The following POLN variants were observed in gnomAD, a reference collection of about 807,000 sequenced individuals.
The protein encoded by POLN is DNA polymerase N.
A neutral mutation model predicts 113.5 loss-of-function variants in POLN; 108 were observed. That is an observed-to-expected ratio of 0.95 (90% CI 0.81 to 1.12). The LOEUF (loss-of-function observed/expected upper bound fraction) is 1.12. Ranked by LOEUF, POLN falls within the 50% of genes most tolerant of loss-of-function variation. The pLI, the probability that POLN is intolerant of heterozygous loss-of-function variation, is 0.00. For missense variants in POLN, 1,097 were observed against 1,077.1 expected (o/e 1.02, Z -0.26); for synonymous variants, 386 against 391.5 (o/e 0.99, Z 0.17).
chr4:2,167,049 T>C (rs1376472747), intron 13 of POLN, among the ~76,000 whole-genome samples: 2 of 152,182 alleles, frequency 1.3e-5, no homozygotes, highest in Non-Finnish European at 2.9e-5. Context: ...TTTTCCCCAC[T>C]AAACCATCAA....
chr4:2,143,800 A>C (rs1024529112), intron 16 of POLN, among the ~76,000 whole-genome samples: 3 of 152,330 alleles, frequency 2.0e-5, no homozygotes, highest in Non-Finnish European at 4.4e-5. Context: ...GAATTCAGTA[A>C]TATATTTAAA....
intron 16 of POLN, among the ~76,000 whole-genome samples, chr4:2,134,687 T>C (rs1731808012): frequency 1.3e-5 from 2 of 152,192 alleles, no homozygotes; most frequent in African/African-American, 4.8e-5. Flanking sequence ...GGAAACCTCC[T>C]CTAGCTCCCT....
At chr4:2,138,672 T>G (rs1472542435) in intron 16 of POLN, among the ~76,000 whole-genome samples, 1 of 151,992 alleles carries the variant, frequency 6.6e-6, no homozygotes, top group Non-Finnish European at 1.5e-5. Context: ...GAGGTTGAGG[T>G]GGGCGGATCA....
intron 16 of POLN, among the ~76,000 whole-genome samples, chr4:2,135,192 G>T (rs1731823561): frequency 6.6e-6 from 1 of 152,218 alleles, no homozygotes. Context: ...TCTGAGGGAA[G>T]AAGAGAGTAC....
In POLN at chr4:2,208,263, AT is replaced by A. The variant is rs1478588380; in HGVS notation, c.437del (p.Asn146MetfsTer40). The A allele has an allele frequency of 6.3e-7, 1 of 1,586,696 alleles. No homozygotes were observed. Among genetic ancestry groups the A allele is most frequent in the East Asian group, 2.2e-5 (1 of 44,716 alleles). On this transcript the variant is annotated frameshift_variant, in exon 5 of 26. Transcript: ENST00000511885. LOFTEE classifies it high-confidence loss of function. ...TAAGATTAATGCTTCCTTTATTTTC[AT>A]TATTTATATTCTCCATTAGGAAATG... is the stretch of plus-strand genomic sequence containing the variant. ...RKHFLMENIN[N>X]ENKGSINLKR... is the part of the protein sequence containing the mutation.
intron 13 of POLN, among the ~76,000 whole-genome samples, chr4:2,162,064 A>G (rs948158556): frequency 6.6e-6 from 1 of 152,168 alleles, no homozygotes; most frequent in African/African-American, 2.4e-5. Context: ...ATAGGGCCAG[A>G]TAAGAGAATA....
At chr4:2,089,030 T>A (rs1261735188) in intron 20 of POLN, 1 of 887,400 alleles carries the variant, frequency 1.1e-6, no homozygotes, top group East Asian at 2.6e-5. Flanking sequence ...AAAATTGGAT[T>A]TCTTCCCTAG....
chr4:2,183,768 T>C (rs7658451), intron 7 of POLN, among the ~76,000 whole-genome samples: 37,472 of 151,996 alleles, frequency 0.25, 7,143 homozygotes, highest in African/African-American at 0.51. Context: ...CTGTGATTAC[T>C]TGAAAAACCC....
chr4:2,117,799 G>A (rs1731353200), intron 19 of POLN, among the ~76,000 whole-genome samples: 1 of 152,160 alleles, frequency 6.6e-6, no homozygotes, highest in African/African-American at 2.4e-5. Flanking sequence ...ATGGCCTTTT[G>A]CTCCACTTTC....
intron 2 of POLN, chr4:2,231,670 A>C (rs1200240194): frequency 4.0e-6 from 1 of 251,846 alleles, no homozygotes; most frequent in African/African-American, 2.2e-5. Flanking sequence ...AAATATTTGC[A>C]TTATGTAATA....
intron 8 of POLN, chr4:2,177,263 A>C (rs1281774631): frequency 4.2e-6 from 2 of 475,238 alleles, no homozygotes; most frequent in Non-Finnish European, 8.4e-6. Flanking sequence ...GGAGCCCCTA[A>C]ATCTTCTCTG....
rs1182854534 is a variant in POLN at position 2,147,638 on chromosome 4, C to CTTTTCTTTTTT, written c.1731+9139_1731+9149dup. ...AGAGTAGATCAGACATCCAGTTTTT[C>CTTTTCTTTTTT]TTTTCTTTTTTTTTTTTTTTTGAGA... On this transcript the variant is annotated intron_variant, in intron 16 of 25. Coordinates refer to ENST00000511885, the MANE Select transcript of POLN (RefSeq NM_181808.4). Among the ~76,000 whole-genome samples the CTTTTCTTTTTT allele has an allele frequency of 2.7e-3, 58 of 21,136 alleles. 4 individuals are homozygous for CTTTTCTTTTTT. The highest frequency in any genetic ancestry group is 4.3e-3 in the African/African-American group (50 of 11,560). The allele number at this position is 21,136 out of a possible 152,430, so 13.9% of individuals were successfully genotyped here.
intron 20 of POLN, among the ~76,000 whole-genome samples, chr4:2,090,849 C>T (rs1442460711): frequency 2.0e-5 from 3 of 152,104 alleles, no homozygotes; most frequent in African/African-American, 7.3e-5. Context: ...TAGGGGTCAG[C>T]CAAGGATCTG....
chr4:2,184,628 A>C (rs1487384189), intron 7 of POLN, among the ~76,000 whole-genome samples: 4 of 152,218 alleles, frequency 2.6e-5, no homozygotes. Flanking sequence ...AGTGAGGTAC[A>C]TATCCAGTGA....
At chr4:2,073,142 GT>G (rs906838808) in intron 24 of POLN, 113 bp from the exon 25 acceptor site, 126 of 997,868 alleles carry the variant, frequency 1.3e-4, no homozygotes, top group Non-Finnish European at 1.7e-4. Context: ...GAGCCCCCTT[GT>G]TTCCTGTGTC....
rs1174293926 is a variant in POLN, at chr4:2,196,785, T to G, written c.908+1739A>C. 2.0e-5 allele frequency among the ~76,000 whole-genome samples: 3 copies of G among 152,146 alleles called. No homozygotes were observed. In the East Asian group the frequency reaches 5.8e-4, roughly 29 times the overall value. On this transcript the variant is annotated intron_variant, in intron 6 of 25. Coordinates refer to ENST00000511885, the MANE Select transcript of POLN (RefSeq NM_181808.4). Reference sequence around the variant, plus strand: ...AAACCTTTGATAATGTTGGCCTGGGTGGATGTATATACTACTCTGTACCTT... The same window carrying G: ...AAACCTTTGATAATGTTGGCCTGGGGGGATGTATATACTACTCTGTACCTT...
chr4:2,199,480 G>T (rs1431838492), intron 5 of POLN, among the ~76,000 whole-genome samples: 1 of 152,098 alleles, frequency 6.6e-6, no homozygotes, highest in Non-Finnish European at 1.5e-5. Flanking sequence ...GGGGTGGGTG[G>T]CGAGAGAACA....
At chr4:2,201,268 C>G (rs961540113) in intron 5 of POLN, among the ~76,000 whole-genome samples, 7 of 69,000 alleles carry the variant, frequency 1.0e-4, no homozygotes, top group African/African-American at 5.5e-4. Context: ...CTCTGTCCCC[C>G]TACCACTCCA....
At chr4:2,116,927 T>C (rs1280594912) in intron 19 of POLN, among the ~76,000 whole-genome samples, 1 of 152,142 alleles carries the variant, frequency 6.6e-6, no homozygotes, top group Non-Finnish European at 1.5e-5. Context: ...GAAAGTGGGA[T>C]TTGATTTCAT....
Sources: gnomAD v4.1 joint callset for allele counts (sites outside exome capture counted in the v4.1 genomes callset) on GRCh38, gnomAD v4.1.1 for gene constraint, MANE v1.5 for transcripts, NCBI Gene and HGNC (gene_info 2026-07-23, HGNC 2026-07-21) for gene names.